Variants in KHDRBS2 observed in about 807,000 individuals in gnomAD.
The protein encoded by KHDRBS2 is KH RNA binding domain containing, signal transduction associated 2.
Under a neutral mutation model 44.3 loss-of-function variants are expected in KHDRBS2, and 26 were observed. The ratio of observed to expected loss-of-function variants is 0.59; its 90% confidence interval spans 0.43 to 0.81. KHDRBS2 has a LOEUF of 0.81. KHDRBS2 is among the 40% of genes least tolerant of loss of function. The pLI is 0.00. For synonymous variants in KHDRBS2, 194 were observed against 151.1 expected, an observed-to-expected ratio of 1.28 and a Z score of -2.08; for missense variants, 476 against 433.1, an observed-to-expected ratio of 1.10 and a Z score of -0.88.
the KHDRBS2 span, among the ~76,000 whole-genome samples, chr6:61,654,070 A>C: frequency 6.6e-6 from 1 of 152,014 alleles, no homozygotes; most frequent in African/African-American, 2.4e-5. Context: ...TAAGGAATAG[A>C]ATTTTAGAAT....
intron 3 of KHDRBS2, among the ~76,000 whole-genome samples, chr6:61,995,387 A>C (rs1337526740): frequency 6.6e-6 from 1 of 152,196 alleles, no homozygotes; most frequent in East Asian, 1.9e-4. Flanking sequence ...TTTCTAACAT[A>C]CAACGTATGA....
At chr6:62,206,456 A>G (rs1245570166) in intron 1 of KHDRBS2, among the ~76,000 whole-genome samples, 2 of 152,120 alleles carry the variant, frequency 1.3e-5, no homozygotes, top group Non-Finnish European at 2.9e-5. Flanking sequence ...TTGTGTTTAG[A>G]AAATTCTAAA....
rs188647637 is a variant in KHDRBS2 at position 61,820,337 on chromosome 6, C to T, written c.810+74298G>A. On this transcript the variant is annotated intron_variant, in intron 6 of 8. Coordinates refer to ENST00000281156, the MANE Select transcript of KHDRBS2 (RefSeq NM_152688.4). ...TGCGTTTTGTAAGTGTAACCAAAATCACTTCTTGATGGATTTGATTTGGGA... is the reference window on the plus strand; with the variant it reads ...TGCGTTTTGTAAGTGTAACCAAAATTACTTCTTGATGGATTTGATTTGGGA... Among the ~76,000 whole-genome samples the T allele has an allele frequency of 1.6e-4, 24 of 152,040 alleles. No homozygotes were observed. In the East Asian group the frequency reaches 3.9e-3, roughly 25 times the overall value.
chr6:62,128,151 A>C (rs1028696919), intron 2 of KHDRBS2, among the ~76,000 whole-genome samples: 1 of 152,098 alleles, frequency 6.6e-6, no homozygotes, highest in Admixed American at 6.6e-5. Flanking sequence ...TTAGGTGATA[A>C]TATAATTATA....
chr6:62,121,984 G>A (rs931650393), intron 2 of KHDRBS2, among the ~76,000 whole-genome samples: 1 of 152,112 alleles, frequency 6.6e-6, no homozygotes, highest in South Asian at 2.1e-4. Flanking sequence ...ACAACACCTA[G>A]TGGGCCTATT....
the KHDRBS2 span, among the ~76,000 whole-genome samples, chr6:61,625,737 C>T: frequency 6.6e-6 from 1 of 152,128 alleles, no homozygotes; most frequent in Non-Finnish European, 1.5e-5. Context: ...TTTTTATTCT[C>T]TGCAGTTATT....
chr6:61,934,939 A>G (rs1810760626), intron 4 of KHDRBS2, among the ~76,000 whole-genome samples: 1 of 152,178 alleles, frequency 6.6e-6, no homozygotes, highest in Middle Eastern at 3.2e-3. Flanking sequence ...ATTGCTACTA[A>G]GTATGGCTTC....
intron 4 of KHDRBS2, among the ~76,000 whole-genome samples, chr6:61,955,655 C>CAG (rs1166206521): frequency 6.2e-5 from 9 of 145,444 alleles, no homozygotes; most frequent in African/African-American, 1.0e-4. Context: ...TGTATGTATG[C>CAG]ATATATGTGT....
intron 7 of KHDRBS2, among the ~76,000 whole-genome samples, chr6:61,729,623 A>C (rs1417083293): frequency 1.3e-5 from 2 of 152,122 alleles, no homozygotes; most frequent in Non-Finnish European, 2.9e-5. Context: ...AATCTGTTTA[A>C]TATTAGCCAT....
chr6:61,719,950 C>G (rs1385399964), intron 7 of KHDRBS2, among the ~76,000 whole-genome samples: 1 of 152,032 alleles, frequency 6.6e-6, no homozygotes, highest in African/African-American at 2.4e-5. Flanking sequence ...CACAACAGTC[C>G]CCAGAGTGTG....
At chr6:62,046,251 A>C (rs1418664780) in intron 3 of KHDRBS2, among the ~76,000 whole-genome samples, 1 of 151,934 alleles carries the variant, frequency 6.6e-6, no homozygotes, top group African/African-American at 2.4e-5. Context: ...GGGAAAAACA[A>C]ATTTAGTTTA....
chr6:61,615,233 C>CAAAAAAAA, the KHDRBS2 span, among the ~76,000 whole-genome samples: 290 of 58,270 alleles, frequency 5.0e-3, no homozygotes, highest in Middle Eastern at 0.013. Flanking sequence ...ACTCCATCTC[C>CAAAAAAAA]AAAAAAAAAA....
At chr6:62,285,074 A>G (rs1394091007) in intron 1 of KHDRBS2, among the ~76,000 whole-genome samples, 1 of 152,256 alleles carries the variant, frequency 6.6e-6, no homozygotes, top group Non-Finnish European at 1.5e-5. Flanking sequence ...TGGCATTATT[A>G]TAACATAAAT....
In KHDRBS2 at chr6:61,848,488, T is replaced by C. The variant is rs200607802; in HGVS notation, c.810+46147A>G. Among the ~76,000 whole-genome samples, 7 of 36,926 alleles carry C rather than the reference T, an allele frequency of 1.9e-4. 1 individual carries two copies. The highest frequency in any genetic ancestry group is 4.7e-4 in the Admixed American group (2 of 4,284). 24.2% of individuals were successfully genotyped at this position (36,926 alleles called of 152,430 possible). On this transcript the variant is annotated intron_variant, in intron 6 of 8. Coordinates refer to ENST00000281156, the MANE Select transcript of KHDRBS2 (RefSeq NM_152688.4). ...GAGGTTTTATATATATATATATATATATGTATATATATATATATATATGTA... is the reference window on the plus strand; with the variant it reads ...GAGGTTTTATATATATATATATATACATGTATATATATATATATATATGTA...
At chr6:61,805,953 T>G (rs1362171706) in intron 6 of KHDRBS2, among the ~76,000 whole-genome samples, 1 of 152,134 alleles carries the variant, frequency 6.6e-6, no homozygotes, top group East Asian at 1.9e-4. Context: ...GGATAAATAA[T>G]TTGTACACAG....
In KHDRBS2 at chr6:61,853,029, C is replaced by G. The variant is rs553944612; in HGVS notation, c.810+41606G>C. 5.9e-5 allele frequency among the ~76,000 whole-genome samples: 9 copies of G among 152,286 alleles called. No homozygotes were observed. The East Asian group carries it at 1.7e-3, about 29-fold the overall frequency. On this transcript the variant is annotated intron_variant, in intron 6 of 8. Transcript: ENST00000281156. ...CAACCACACACATATTTTTGGGATA[C>G]TGATCTGTTGCCATTGGATCTTGCC... is the stretch of plus-strand genomic sequence containing the variant.
intron 1 of KHDRBS2, among the ~76,000 whole-genome samples, chr6:62,211,133 C>T (rs566645942): frequency 2.5e-4 from 38 of 152,108 alleles, no homozygotes; most frequent in African/African-American, 8.9e-4. Context: ...CATTTAAATT[C>T]CTGTAATTAT....
chr6:61,855,266 C>A (rs1229809189), intron 6 of KHDRBS2, among the ~76,000 whole-genome samples: 2 of 151,956 alleles, frequency 1.3e-5, no homozygotes, highest in South Asian at 2.1e-4. Context: ...ATATGAAGAT[C>A]ATTTGATTTT....
In KHDRBS2 at chr6:62,250,145, C is replaced by A. The variant is rs570025142; in HGVS notation, c.91+35713G>T. Among the ~76,000 whole-genome samples the A allele has an allele frequency of 2.1e-3, 321 of 152,192 alleles. 1 individual carries two copies. The highest frequency in any genetic ancestry group is 7.3e-3 in the African/African-American group (304 of 41,554). Reference sequence around the variant, plus strand: ...AGTCCTAAGGAATACAAAGTGCACGCTGACTCTCCTGACAAATGAAGAAAA... The same window carrying A: ...AGTCCTAAGGAATACAAAGTGCACGATGACTCTCCTGACAAATGAAGAAAA... On this transcript the variant is annotated intron_variant, in intron 1 of 8. Coordinates refer to ENST00000281156, the MANE Select transcript of KHDRBS2 (RefSeq NM_152688.4).
Sources: allele counts gnomAD v4.1 joint callset (sites outside exome capture counted in the v4.1 genomes callset), GRCh38; gene constraint gnomAD v4.1.1; transcripts MANE v1.5; gene names NCBI Gene and HGNC (gene_info 2026-07-23, HGNC 2026-07-21).